The following GFRAL variants were observed in gnomAD, a reference collection of about 807,000 sequenced individuals.
GFRAL encodes GDNF family receptor alpha-like.
A neutral mutation model predicts 45.4 loss-of-function variants in GFRAL; 36 were observed. That is an observed-to-expected ratio of 0.79 (90% CI 0.61 to 1.05). GFRAL has a LOEUF of 1.05. GFRAL is among the 50% of genes least tolerant of loss of function. The pLI is 0.00. For missense variants in GFRAL, 507 were observed against 467.5 expected, an observed-to-expected ratio of 1.08 and a Z score of -0.78; for synonymous variants, 166 against 154.1, an observed-to-expected ratio of 1.08 and a Z score of -0.57.
intron 3 of GFRAL, among the ~76,000 whole-genome samples, chr6:55,343,848 C>T (rs1434204867): frequency 1.3e-5 from 2 of 152,064 alleles, no homozygotes; most frequent in Non-Finnish European, 2.9e-5. Flanking sequence ...AAGGGGATAT[C>T]ACCATTTAAT....
rs1209944407 is a variant in GFRAL at position 55,368,308 on chromosome 6, C to T, written c.952+9170C>T. On this transcript the variant is annotated intron_variant, in intron 6 of 8. Transcript: ENST00000340465. ...TCAGCTCCATCAGCTCCTTTAAGCA[C>T]TTCTCTGTATTGGTTATTCTAGTTA... 4.1e-4 allele frequency among the ~76,000 whole-genome samples: 61 copies of T among 149,116 alleles called. No individual in the cohort carries two copies. The South Asian group carries it at 0.012, about 29-fold the overall frequency.
chr6:55,328,356 G>A (rs573334072), intron 1 of GFRAL, among the ~76,000 whole-genome samples: 1 of 151,900 alleles, frequency 6.6e-6, no homozygotes, highest in African/African-American at 2.4e-5. Context: ...TAAAAATATG[G>A]CATTTTATGT....
At chr6:55,376,055 T>G (rs898685339) in intron 6 of GFRAL, among the ~76,000 whole-genome samples, 3 of 152,008 alleles carry the variant, frequency 2.0e-5, no homozygotes, top group Non-Finnish European at 4.4e-5. Context: ...TTATTGAGAG[T>G]TTTTAACATG....
At position 55,376,287 on chromosome 6, in the gene GFRAL, G is replaced by A. The variant is rs751795456; in HGVS notation, c.952+17149G>A. 5.3e-5 allele frequency among the ~76,000 whole-genome samples: 8 copies of A among 151,948 alleles called. 1 individual carries two copies. In the South Asian group the frequency reaches 8.3e-4, roughly 16 times the overall value. ...ATATTTAATTGAAGATTTTTGCATC[G>A]ATGTTCATCAAGAATATTGGCCTGA... is the stretch of plus-strand genomic sequence containing the variant. On this transcript the variant is annotated intron_variant, in intron 6 of 8. Coordinates refer to ENST00000340465, the MANE Select transcript of GFRAL (RefSeq NM_207410.2).
Position 55,402,200 on chromosome 6 carries a change from A to C in GFRAL, c.*347A>C. 1 of 175,694 alleles carries C rather than the reference A, an allele frequency of 5.7e-6. No individual in the cohort carries two copies. Among genetic ancestry groups the C allele is most frequent in the Non-Finnish European group, 1.2e-5 (1 of 85,048 alleles). 10.9% of individuals were successfully genotyped at this position (175,694 alleles called of 1,614,324 possible). ...TTGCCAAATTGGCCAGGGTGGTCTCAAACTCCTGACCTCAGGTGATCCACC... is the reference window on the plus strand; with the variant it reads ...TTGCCAAATTGGCCAGGGTGGTCTCCAACTCCTGACCTCAGGTGATCCACC... On this transcript the variant is annotated 3_prime_UTR_variant, in exon 9 of 9. Coordinates refer to ENST00000340465, the MANE Select transcript of GFRAL (RefSeq NM_207410.2).
At chr6:55,391,616 G>A (rs1179166130) in intron 6 of GFRAL, among the ~76,000 whole-genome samples, 1 of 152,168 alleles carries the variant, frequency 6.6e-6, no homozygotes, top group African/African-American at 2.4e-5. Context: ...AGGGCATGGT[G>A]ACATGCCCCT....
At chr6:55,396,461 A>C (rs1029399958) in intron 6 of GFRAL, among the ~76,000 whole-genome samples, 18 of 152,300 alleles carry the variant, frequency 1.2e-4, no homozygotes, top group African/African-American at 4.1e-4. Context: ...TTAGGGATAG[A>C]ATTTCATAAG....
chr6:55,380,965 C>T (rs1008482650), intron 6 of GFRAL, among the ~76,000 whole-genome samples: 1 of 151,880 alleles, frequency 6.6e-6, no homozygotes. Context: ...TTAACAAGAC[C>T]AGGCTGCTAC....
At chr6:55,381,837 CTT>C (rs1190106143) in intron 6 of GFRAL, among the ~76,000 whole-genome samples, 5 of 151,888 alleles carry the variant, frequency 3.3e-5, no homozygotes, top group Admixed American at 6.6e-5. Context: ...CTCTCTCTCT[CTT>C]TCTTTCCCTG....
At chr6:55,379,629 C>T (rs1290068181) in intron 6 of GFRAL, among the ~76,000 whole-genome samples, 1 of 151,802 alleles carries the variant, frequency 6.6e-6, no homozygotes, top group South Asian at 2.1e-4. Context: ...AGCTAATTTA[C>T]ACACACATAA....
chr6:55,340,520 G>A (rs956786959), intron 3 of GFRAL, among the ~76,000 whole-genome samples: 2 of 152,066 alleles, frequency 1.3e-5, no homozygotes, highest in Non-Finnish European at 2.9e-5. Context: ...CAAATGAAAT[G>A]AGCAAACAAA....
At chr6:55,357,520 T>G (rs1178215986) in intron 5 of GFRAL, among the ~76,000 whole-genome samples, 1 of 151,806 alleles carries the variant, frequency 6.6e-6, no homozygotes, top group African/African-American at 2.4e-5. Flanking sequence ...TAGAATATCT[T>G]TTTCCATCCC....
At chr6:55,343,344 A>T (rs1331062119) in intron 3 of GFRAL, among the ~76,000 whole-genome samples, 1 of 152,222 alleles carries the variant, frequency 6.6e-6, no homozygotes, top group Non-Finnish European at 1.5e-5. Flanking sequence ...ACCACGGTGC[A>T]ATCAAACTAG....
intron 6 of GFRAL, among the ~76,000 whole-genome samples, chr6:55,361,468 G>T (rs1261331144): frequency 1.3e-5 from 2 of 151,678 alleles, no homozygotes; most frequent in Admixed American, 1.3e-4. Context: ...GTAAATTGTA[G>T]TTATAATGTA....
chr6:55,370,746 T>C (rs780624846), intron 6 of GFRAL, among the ~76,000 whole-genome samples: 1 of 152,332 alleles, frequency 6.6e-6, no homozygotes, highest in Non-Finnish European at 1.5e-5. Flanking sequence ...GTGGCCAATG[T>C]AGTTACATAG....
intron 6 of GFRAL, among the ~76,000 whole-genome samples, chr6:55,363,225 T>C (rs1017665549): frequency 4.6e-5 from 7 of 151,974 alleles, no homozygotes; most frequent in African/African-American, 1.7e-4. Context: ...ATAAGGTTGG[T>C]GTATATTCTT....
intron 6 of GFRAL, among the ~76,000 whole-genome samples, chr6:55,387,360 A>G (rs1768693422): frequency 6.6e-6 from 1 of 152,238 alleles, no homozygotes; most frequent in Admixed American, 6.5e-5. Flanking sequence ...AAAGCTGCAT[A>G]AAACAAGCAG....
In GFRAL at chr6:55,359,165, T is replaced by C. The variant is rs1252525348; in HGVS notation, c.952+27T>C. ...TAAGTTCCCCAAATAAAATTATCTGTCTATCTATCTATCTATCTATCATCT... is the reference window on the plus strand; with the variant it reads ...TAAGTTCCCCAAATAAAATTATCTGCCTATCTATCTATCTATCTATCATCT... On this transcript the variant is annotated intron_variant, in intron 6 of 8. Coordinates refer to ENST00000340465, the MANE Select transcript of GFRAL (RefSeq NM_207410.2). 3 of 1,403,080 alleles carry C rather than the reference T, an allele frequency of 2.1e-6. No individual in the cohort carries two copies. The African/African-American group carries it at 7.2e-5, about 34-fold the overall frequency. 86.9% of individuals were successfully genotyped at this position (1,403,080 alleles called of 1,614,324 possible). A position where few individuals can be genotyped will look rare whatever the true frequency, so the allele number is the denominator to read the frequency against.
chr6:55,339,325 GTTGGTATTTTTTTT>G (rs1240560818), intron 3 of GFRAL, among the ~76,000 whole-genome samples: 1 of 152,092 alleles, frequency 6.6e-6, no homozygotes, highest in Non-Finnish European at 1.5e-5. Context: ...AGTTAGGAAT[GTTGGTATTTTTTTT>G]CTAAATTTGC....
Sources: gnomAD v4.1 joint callset for allele counts (sites outside exome capture counted in the v4.1 genomes callset) on GRCh38, gnomAD v4.1.1 for gene constraint, MANE v1.5 for transcripts, NCBI Gene and HGNC (gene_info 2026-07-23, HGNC 2026-07-21) for gene names.